SNAP91: variants seen among roughly 807,000 people sequenced by gnomAD.
SNAP91 encodes the protein clathrin coat assembly protein AP180.
SNAP91 carries 27 observed loss-of-function variants against 100.3 expected under a neutral mutation model. The observed-to-expected ratio is 0.27, with a 90% CI of 0.20 to 0.37. SNAP91 has a LOEUF of 0.37. Ranked by LOEUF, SNAP91 falls within the 10% of genes least tolerant of loss-of-function variation. SNAP91 has a pLI of 1.00. For missense variants in SNAP91, 986 were observed against 1,123.7 expected (o/e 0.88, Z 1.75); for synonymous variants, 404 against 398.6 (o/e 1.01, Z -0.16).
intron 11 of SNAP91, among the ~76,000 whole-genome samples, chr6:83,613,494 G>C (rs897557766): frequency 2.6e-5 from 4 of 152,160 alleles, no homozygotes; most frequent in African/African-American, 9.7e-5. Flanking sequence ...TAATTAAAAG[G>C]TTGAGAACCA....
rs1397347482 is a variant in SNAP91, at chr6:83,696,376, A to G, written c.130+11422T>C. ...GATAGGTAGATAAGAATCATTCAGT[A>G]TTAACACATACAGAAAGTATAATTT... is the stretch of plus-strand genomic sequence containing the variant. On this transcript the variant is annotated intron_variant, in intron 2 of 29. Transcript: ENST00000369694. Among the ~76,000 whole-genome samples, 3 of 152,312 alleles carry G rather than the reference A, an allele frequency of 2.0e-5. No homozygotes were observed. In the East Asian group the frequency reaches 5.8e-4, roughly 29 times the overall value.
At chr6:83,571,138 C>T (rs1806870488) in intron 26 of SNAP91, among the ~76,000 whole-genome samples, 1 of 151,578 alleles carries the variant, frequency 6.6e-6, no homozygotes, top group Non-Finnish European at 1.5e-5. Context: ...TGGAGTCTCG[C>T]TCTGTCACAA....
At chr6:83,580,274 T>C (rs1385816714) in intron 24 of SNAP91, among the ~76,000 whole-genome samples, 176 bp downstream of exon 24, 1 of 152,060 alleles carries the variant, frequency 6.6e-6, no homozygotes, top group Non-Finnish European at 1.5e-5. Context: ...ACTGTTTGCC[T>C]TCCAAGGACC....
intron 8 of SNAP91, among the ~76,000 whole-genome samples, chr6:83,631,212 T>C (rs944550443): frequency 6.6e-6 from 1 of 152,170 alleles, no homozygotes; most frequent in Non-Finnish European, 1.5e-5. Context: ...GAGTGCTTCA[T>C]ATAATTTCAA....
chr6:83,707,926 ATCT>A lies in SNAP91; in HGVS notation c.-2_1del, dbSNP rs759340047. On this transcript the variant is annotated start_lost and start_retained_variant and 5_prime_UTR_variant, in exon 2 of 30. Coordinates refer to ENST00000369694, the MANE Select transcript of SNAP91 (RefSeq NM_001242792.2). ...CCGATCCGTGAGCGTTTGGCCCGAC[ATCT>A]TCTGTGGTCGCGTCTACCGCCTCCT... is the stretch of plus-strand genomic sequence containing the variant. The A allele has an allele frequency of 2.4e-4, 374 of 1,581,726 alleles. No homozygotes were observed. Among genetic ancestry groups the A allele is most frequent in the Non-Finnish European group, 3.1e-4 (364 of 1,169,040 alleles).
chr6:83,566,133 T>G (rs551173379), intron 26 of SNAP91, among the ~76,000 whole-genome samples: 1 of 152,280 alleles, frequency 6.6e-6, no homozygotes, highest in South Asian at 2.1e-4. Context: ...TACTGATACA[T>G]GCTTCGACAT....
chr6:83,566,758 A>C (rs1410712275), intron 26 of SNAP91, among the ~76,000 whole-genome samples: 1 of 152,170 alleles, frequency 6.6e-6, no homozygotes, highest in African/African-American at 2.4e-5. Flanking sequence ...AGACTTTACC[A>C]ATCAGAAATT....
At chr6:83,576,087 C>A (rs1195386321) in intron 24 of SNAP91, 34 bp from the exon 25 acceptor site, 1 of 1,100,620 alleles carries the variant, frequency 9.1e-7, no homozygotes, top group Non-Finnish European at 1.3e-6. Flanking sequence ...GAATGTAAAT[C>A]TCTACACTCA....
At chr6:83,650,317 G>T (rs993732834) in intron 7 of SNAP91, among the ~76,000 whole-genome samples, 2 of 152,150 alleles carry the variant, frequency 1.3e-5, no homozygotes, top group African/African-American at 4.8e-5. Context: ...GAATATTGAA[G>T]CAGAAGGCTA....
At chr6:83,582,863 C>T (rs1184263090) in intron 22 of SNAP91, among the ~76,000 whole-genome samples, 1 of 152,184 alleles carries the variant, frequency 6.6e-6, no homozygotes, top group African/African-American at 2.4e-5. Context: ...CGCAACCCTG[C>T]TCTCTGGATT....
intron 2 of SNAP91, among the ~76,000 whole-genome samples, chr6:83,680,054 C>T (rs1338773518): frequency 6.6e-6 from 1 of 152,080 alleles, no homozygotes; most frequent in Non-Finnish European, 1.5e-5. Flanking sequence ...GCTCTCAGAG[C>T]TAAAAGCAAC....
At chr6:83,681,571 GA>G (rs145699187) in intron 2 of SNAP91, among the ~76,000 whole-genome samples, 3 of 149,562 alleles carry the variant, frequency 2.0e-5, no homozygotes, top group African/African-American at 7.4e-5. Context: ...AGCCAGCTCA[GA>G]AAAAAAAAGT....
intron 7 of SNAP91, among the ~76,000 whole-genome samples, chr6:83,650,690 T>C (rs1023066185): frequency 1.3e-5 from 2 of 152,230 alleles, no homozygotes; most frequent in African/African-American, 4.8e-5. Context: ...AGTGCTGGGA[T>C]TACAGGCATG....
intron 21 of SNAP91, 41 bp downstream of exon 21, chr6:83,592,414 A>G (rs2128197647): frequency 1.5e-6 from 2 of 1,341,470 alleles, no homozygotes; most frequent in East Asian, 2.4e-5. Flanking sequence ...ATTCTGAAGA[A>G]AAAAAGATTC....
At position 83,695,024 on chromosome 6, in the gene SNAP91, T is replaced by C. The variant is rs115941633; in HGVS notation, c.130+12774A>G. ...CAATGGCTCATGCCTACAATCCCAA[T>C]ACTTTGGGAGGCCGAGGTGGGCGGA... On this transcript the variant is annotated intron_variant, in intron 2 of 29. Transcript: ENST00000369694. Among the ~76,000 whole-genome samples, 1,435 of 151,754 alleles carry C rather than the reference T, an allele frequency of 9.5e-3. 26 individuals are homozygous for C. The highest frequency in any genetic ancestry group is 0.032 in the African/African-American group (1,341 of 41,380).
chr6:83,670,113 T>C (rs1317299305), intron 2 of SNAP91, among the ~76,000 whole-genome samples: 3 of 151,980 alleles, frequency 2.0e-5, no homozygotes, highest in African/African-American at 2.4e-5. Flanking sequence ...CAGATATATC[T>C]TCCCAAGTTC....
intron 8 of SNAP91, among the ~76,000 whole-genome samples, chr6:83,633,957 G>T (rs535449085): frequency 4.6e-5 from 7 of 151,812 alleles, no homozygotes; most frequent in Non-Finnish European, 7.4e-5. Flanking sequence ...TGTTGTGGGT[G>T]GGGGGAGGGC....
At chr6:83,621,914 C>A (rs1272033372) in intron 9 of SNAP91, among the ~76,000 whole-genome samples, 1 of 151,916 alleles carries the variant, frequency 6.6e-6, no homozygotes, top group Admixed American at 6.6e-5. Flanking sequence ...ACATGTATTA[C>A]TTATGTGGAT....
At chr6:83,594,550 C>A in intron 16 of SNAP91, 69 bp from the exon 17 acceptor site, 2 of 981,330 alleles carry the variant, frequency 2.0e-6, no homozygotes, top group Non-Finnish European at 2.9e-6. Flanking sequence ...GTAAAAGAAC[C>A]AAGTTAAATT....
Sources: allele counts gnomAD v4.1 joint callset (sites outside exome capture counted in the v4.1 genomes callset), GRCh38; gene constraint gnomAD v4.1.1; transcripts MANE v1.5; gene names NCBI Gene and HGNC (gene_info 2026-07-23, HGNC 2026-07-21).